The following MYO18B variants were observed in gnomAD, a reference collection of about 807,000 sequenced individuals.
The protein encoded by MYO18B is myosin XVIIIB.
MYO18B carries 204 observed loss-of-function variants against 273.0 expected under a neutral mutation model. That is an observed-to-expected ratio of 0.75 (90% CI 0.67 to 0.84). The LOEUF (loss-of-function observed/expected upper bound fraction) is 0.84, where lower values mean the gene tolerates loss of function less well. MYO18B is among the 40% of genes least tolerant of loss of function. The pLI is 0.00. For synonymous variants in MYO18B, 1,330 were observed against 1,305.7 expected (o/e 1.02, Z -0.40); for missense variants, 3,212 against 3,287.6 (o/e 0.98, Z 0.56).
chr22:25,805,575 A>G lies in MYO18B; in HGVS notation c.2521+7478A>G, dbSNP rs372648290. On this transcript the variant is annotated intron_variant, in intron 12 of 43. Transcript: ENST00000335473. ...AGTCTCCTGGCTTCCCTTCTTCCCCATCCTTTCTACCCCGATCTGTTCTCA... is the reference window on the plus strand; with the variant it reads ...AGTCTCCTGGCTTCCCTTCTTCCCCGTCCTTTCTACCCCGATCTGTTCTCA... Among the ~76,000 whole-genome samples, 208 of 151,930 alleles carry G rather than the reference A, an allele frequency of 1.4e-3. 9 individuals are homozygous for G. The South Asian group carries it at 0.043, about 31-fold the overall frequency.
At chr22:25,745,501 A>ACG (rs1555879828) in intron 1 of MYO18B, among the ~76,000 whole-genome samples, 3 of 150,272 alleles carry the variant, frequency 2.0e-5, no homozygotes, top group Non-Finnish European at 2.9e-5. Flanking sequence ...ACACACACAC[A>ACG]CGCACACACA....
chr22:25,902,624 A>G lies in MYO18B; in HGVS notation c.4835A>G (p.Gln1612Arg), dbSNP rs1226021606. The change falls in exon 30 of 44, where the codon CAG (glutamine) becomes CGG (arginine). Residue 1612 changes from glutamine (Q) to arginine (R), a missense_variant. Gln to Arg is a conservative substitution (Grantham distance 43). Coordinates refer to ENST00000335473, the MANE Select transcript of MYO18B (RefSeq NM_032608.7). ...TCTGCTTTGCACAGGTTTGACCTGCAGCTGGCCCAGGCCCTAGGTGAGTCA... is the reference window on the plus strand; with the variant it reads ...TCTGCTTTGCACAGGTTTGACCTGCGGCTGGCCCAGGCCCTAGGTGAGTCA... ...LEKKQKKFDLQLAQALGESVF... is the reference protein window; with the variant it reads ...LEKKQKKFDLRLAQALGESVF... The G allele has an allele frequency of 6.2e-7, 1 of 1,607,114 alleles. No homozygotes were observed. The highest frequency in any genetic ancestry group is 1.7e-5 in the Admixed American group (1 of 59,362).
chr22:25,774,768 ACT>A (rs372814569), intron 7 of MYO18B, among the ~76,000 whole-genome samples: 2 of 151,524 alleles, frequency 1.3e-5, no homozygotes, highest in Non-Finnish European at 2.9e-5. Context: ...ACACCGGGGG[ACT>A]CTCTCACTAT....
intron 4 of MYO18B, among the ~76,000 whole-genome samples, chr22:25,769,814 T>C (rs1318026705): frequency 6.6e-6 from 1 of 152,044 alleles, no homozygotes; most frequent in Non-Finnish European, 1.5e-5. Context: ...GAGTCTCTCA[T>C]TTCAAAGGCC....
chr22:25,773,477 C>A (rs1320056519), intron 7 of MYO18B, among the ~76,000 whole-genome samples: 2 of 150,700 alleles, frequency 1.3e-5, no homozygotes, highest in South Asian at 4.2e-4. Context: ...TATTTATTTA[C>A]TTTTGAGACG....
intron 38 of MYO18B, chr22:25,953,692 G>T (rs530701806): frequency 4.1e-4 from 63 of 152,242 alleles, no homozygotes; most frequent in Middle Eastern, 6.8e-3. Flanking sequence ...ATGTAAAGTT[G>T]GGCTATATCA....
At chr22:25,782,914 A>G (rs1296972115) in intron 10 of MYO18B, among the ~76,000 whole-genome samples, 1 of 152,216 alleles carries the variant, frequency 6.6e-6, no homozygotes, top group East Asian at 1.9e-4. Flanking sequence ...GACAGGTACC[A>G]CAGACTCGAG....
At chr22:26,049,655 C>G in the MYO18B span, among the ~76,000 whole-genome samples, 1 of 152,206 alleles carries the variant, frequency 6.6e-6, no homozygotes, top group Non-Finnish European at 1.5e-5. Context: ...GTGCCCAGCA[C>G]TGGGAGATAC....
chr22:25,749,274 C>T (rs764957498), intron 1 of MYO18B, among the ~76,000 whole-genome samples: 13 of 152,180 alleles, frequency 8.5e-5, no homozygotes, highest in Non-Finnish European at 1.9e-4. Context: ...GTTAGGGGAA[C>T]CAACAAAGCA....
At chr22:25,910,883 T>C in intron 32 of MYO18B, 63 bp from the exon 33 acceptor site, 3 of 1,345,280 alleles carry the variant, frequency 2.2e-6, no homozygotes, top group Non-Finnish European at 3.1e-6. Context: ...GGTCCTTGCC[T>C]TGTAGGATGT....
intron 33 of MYO18B, among the ~76,000 whole-genome samples, chr22:25,919,854 C>T (rs2092316620): frequency 6.6e-6 from 1 of 152,206 alleles, no homozygotes; most frequent in Non-Finnish European, 1.5e-5. Flanking sequence ...CATTCGAGGT[C>T]TTCAGACAAT....
At chr22:25,795,778 C>T (rs1226849806) in intron 11 of MYO18B, among the ~76,000 whole-genome samples, 1 of 152,136 alleles carries the variant, frequency 6.6e-6, no homozygotes, top group African/African-American at 2.4e-5. Context: ...CTCTTAATGT[C>T]ACTGTATGCT....
chr22:25,973,314 GCC>G (rs1466789110), intron 39 of MYO18B, among the ~76,000 whole-genome samples: 1 of 152,288 alleles, frequency 6.6e-6, no homozygotes, highest in East Asian at 1.9e-4. Flanking sequence ...GAGCACATCT[GCC>G]CTTCAGGGCT....
intron 21 of MYO18B, among the ~76,000 whole-genome samples, chr22:25,860,910 G>A (rs1218477228): frequency 6.6e-6 from 1 of 151,126 alleles, no homozygotes; most frequent in Non-Finnish European, 1.5e-5. Flanking sequence ...TTGAGACAGG[G>A]CAGGCTCTTG....
At chr22:26,014,495 G>T (rs891782018) in intron 42 of MYO18B, among the ~76,000 whole-genome samples, 1 of 152,148 alleles carries the variant, frequency 6.6e-6, no homozygotes, top group Non-Finnish European at 1.5e-5. Flanking sequence ...CTCTTTGCAG[G>T]ATTTGGCCTT....
chr22:25,797,236 A>G (rs1435070457), intron 11 of MYO18B, among the ~76,000 whole-genome samples: 2 of 152,148 alleles, frequency 1.3e-5, no homozygotes, highest in East Asian at 1.9e-4. Context: ...TCAAAAATAA[A>G]CAAAACAAAA....
the MYO18B span, among the ~76,000 whole-genome samples, chr22:26,063,517 G>T: frequency 6.6e-6 from 1 of 152,154 alleles, no homozygotes; most frequent in African/African-American, 2.4e-5. Flanking sequence ...GGTAGCCAGA[G>T]GGGGCAGTCA....
intron 34 of MYO18B, among the ~76,000 whole-genome samples, chr22:25,936,773 C>A (rs1295508108): frequency 6.6e-6 from 1 of 152,150 alleles, no homozygotes; most frequent in African/African-American, 2.4e-5. Context: ...TACAGACAGA[C>A]AAATGCCTTC....
chr22:25,760,475 G>A (rs1202886973), intron 1 of MYO18B, among the ~76,000 whole-genome samples: 4 of 144,104 alleles, frequency 2.8e-5, no homozygotes, highest in African/African-American at 1.0e-4. Flanking sequence ...AGGAAATATT[G>A]ACCAGAAGGG....
Sources: gnomAD v4.1 joint callset for allele counts (sites outside exome capture counted in the v4.1 genomes callset) on GRCh38, gnomAD v4.1.1 for gene constraint, MANE v1.5 for transcripts, NCBI Gene and HGNC (gene_info 2026-07-23, HGNC 2026-07-21) for gene names.